Variants in MAML3 observed in about 807,000 individuals in gnomAD.
The protein encoded by MAML3 is mastermind like transcriptional coactivator 3.
Under a neutral mutation model 101.9 loss-of-function variants are expected in MAML3, and 27 were observed. The ratio of observed to expected loss-of-function variants is 0.27; its 90% confidence interval spans 0.20 to 0.37. The LOEUF (loss-of-function observed/expected upper bound fraction) is 0.37, where lower values mean the gene tolerates loss of function less well. Ranked by LOEUF, MAML3 falls within the 10% of genes least tolerant of loss-of-function variation. The probability of loss-of-function intolerance (pLI) is 1.00; values close to 1 mark genes in which losing one functional copy is unlikely to be tolerated. For missense variants in MAML3, 1,316 were observed against 1,444.9 expected, an observed-to-expected ratio of 0.91 and a Z score of 1.45; for synonymous variants, 501 against 555.9, an observed-to-expected ratio of 0.90 and a Z score of 1.39.
Position 139,719,491 on chromosome 4 carries a change from G to C in MAML3, c.3249C>G (p.Ala1083=). The C allele has an allele frequency of 6.2e-7, 1 of 1,614,038 alleles. No homozygotes were observed. Among genetic ancestry groups the C allele is most frequent in the Non-Finnish European group, 8.5e-7 (1 of 1,179,890 alleles). ...GSFAPSSQSQ[A]YERNAPQDVS... The stretch of plus-strand genomic sequence containing the variant: ...CGTCCTGAGGGGCATTCCGCTCATA[G>C]GCTTGGCTCTGGCTGCTTGGAGCAA... The change falls in exon 5 of 5, where the codon GCC becomes GCG. Residue 1083 remains alanine, a synonymous_variant. Coordinates refer to ENST00000509479, the MANE Select transcript of MAML3 (RefSeq NM_018717.5).
intron 1 of MAML3, among the ~76,000 whole-genome samples, chr4:140,038,433 T>C (rs1459004475): frequency 6.6e-6 from 1 of 152,202 alleles, no homozygotes; most frequent in Non-Finnish European, 1.5e-5. Context: ...GCTTCTGATA[T>C]TTTTATGGGT....
At chr4:139,895,926 A>G (rs916584363) in intron 1 of MAML3, among the ~76,000 whole-genome samples, 9 of 152,214 alleles carry the variant, frequency 5.9e-5, no homozygotes, top group Admixed American at 3.3e-4. Flanking sequence ...CTTGATTTAT[A>G]TATTTCATGT....
intron 1 of MAML3, among the ~76,000 whole-genome samples, chr4:140,024,377 A>G (rs1726786553): frequency 1.3e-5 from 2 of 152,098 alleles, no homozygotes; most frequent in Non-Finnish European, 2.9e-5. Context: ...ATAGGTGCAC[A>G]TCACTGTGCC....
rs147699561 is a variant in MAML3, at chr4:140,086,102, C to T, written c.468+66758G>A. On this transcript the variant is annotated intron_variant, in intron 1 of 4. Coordinates refer to ENST00000509479, the MANE Select transcript of MAML3 (RefSeq NM_018717.5). Reference sequence around the variant, plus strand: ...TAATCTAAGAAATGGCTCTTACAGGCCCTCCTCAAATGTTTGTTTTCCAAT... The same window carrying T: ...TAATCTAAGAAATGGCTCTTACAGGTCCTCCTCAAATGTTTGTTTTCCAAT... Among the ~76,000 whole-genome samples the T allele has an allele frequency of 3.9e-5, 6 of 152,296 alleles. No individual in the cohort carries two copies. In the East Asian group the frequency reaches 9.6e-4, roughly 24 times the overall value.
chr4:139,802,161 G>A (rs1045863550), intron 2 of MAML3, among the ~76,000 whole-genome samples: 1 of 152,174 alleles, frequency 6.6e-6, no homozygotes, highest in African/African-American at 2.4e-5. Context: ...GTTTCTTACA[G>A]AATGGGGTAG....
Position 139,730,456 on chromosome 4 carries a change from T to C in MAML3, c.2291A>G (p.Gln764Arg), listed in dbSNP as rs979952473. 2 of 1,533,960 alleles carry C rather than the reference T, an allele frequency of 1.3e-6. No homozygotes were observed. ...QKQQFLREQR[Q>R]QQQQQQQQIL... ...CTGCTGCTGCTGCTGCTGCTGCTGC[T>C]GCCTTTGCTCCCGCAGGAACTGTTG... The change falls in exon 3 of 5, where the codon CAG (glutamine) becomes CGG (arginine). Residue 764 changes from glutamine (Q) to arginine (R), a missense_variant. Gln to Arg is a conservative substitution (Grantham distance 43). Coordinates refer to ENST00000509479, the MANE Select transcript of MAML3 (RefSeq NM_018717.5).
At chr4:139,844,978 T>TTC (rs897242162) in intron 2 of MAML3, among the ~76,000 whole-genome samples, 1 of 151,866 alleles carries the variant, frequency 6.6e-6, no homozygotes, top group Non-Finnish European at 1.5e-5. Context: ...CTATTTCTCT[T>TTC]TCTCTCTCTC....
rs762612810 is a variant in MAML3 at position 139,730,512 on chromosome 4, A to G, written c.2235T>C (p.Asp745=). Residue 745 remains aspartate, a synonymous_variant, in exon 3 of 5, where the codon GAT becomes GAC. Coordinates refer to ENST00000509479, the MANE Select transcript of MAML3 (RefSeq NM_018717.5). ...QAAIMKQMLI[D]QRAQLIEQQK... ...GCTGCTCTATCAACTGGGCCCGCTG[A>G]TCAATGAGCATCTGCTTCATGATGG... 2 of 1,559,128 alleles carry G rather than the reference A, an allele frequency of 1.3e-6. No homozygotes were observed. The highest frequency in any genetic ancestry group is 2.4e-5 in the East Asian group (1 of 41,478).
Position 140,019,467 on chromosome 4 carries a change from C to G in MAML3, c.469-128500G>C, listed in dbSNP as rs139269192. Among the ~76,000 whole-genome samples the G allele has an allele frequency of 7.5e-4, 114 of 152,318 alleles. No homozygotes were observed. In the Middle Eastern group the frequency reaches 0.017, roughly 23 times the overall value. On this transcript the variant is annotated intron_variant, in intron 1 of 4. Coordinates refer to ENST00000509479, the MANE Select transcript of MAML3 (RefSeq NM_018717.5). ...ATAGCAGATGCTACTCTATAAATAC[C>G]TAATGAGTGAGGAATGAATGCATGA...
chr4:139,784,246 C>T (rs1730267186), intron 2 of MAML3, among the ~76,000 whole-genome samples: 1 of 152,226 alleles, frequency 6.6e-6, no homozygotes, highest in African/African-American at 2.4e-5. Flanking sequence ...TCCACACAAG[C>T]ACTCCTCTTA....
chr4:139,730,073 T>C (rs1195555434), intron 3 of MAML3, among the ~76,000 whole-genome samples: 1 of 152,230 alleles, frequency 6.6e-6, no homozygotes, highest in Non-Finnish European at 1.5e-5. Flanking sequence ...TTACGGCTTA[T>C]GGAGCATGTG....
At chr4:140,106,867 G>A (rs1728361079) in intron 1 of MAML3, among the ~76,000 whole-genome samples, 1 of 152,128 alleles carries the variant, frequency 6.6e-6, no homozygotes, top group African/African-American at 2.4e-5. Context: ...AAGAAGAGTG[G>A]TGGTGTTTGT....
Position 139,804,695 on chromosome 4 carries a change from A to G in MAML3, c.2080-74028T>C, listed in dbSNP as rs951216782. Among the ~76,000 whole-genome samples the G allele has an allele frequency of 3.3e-5, 5 of 152,322 alleles. No homozygotes were observed. The South Asian group carries it at 6.2e-4, about 19-fold the overall frequency. ...TCTTTCTGCAAGCATATTAATTTAT[A>G]TCTGCTTATAGTCTCATATGTATGT... is the stretch of plus-strand genomic sequence containing the variant. On this transcript the variant is annotated intron_variant, in intron 2 of 4. Coordinates refer to ENST00000509479, the MANE Select transcript of MAML3 (RefSeq NM_018717.5).
intron 1 of MAML3, among the ~76,000 whole-genome samples, chr4:140,015,075 A>G (rs1470836997): frequency 6.6e-6 from 1 of 152,252 alleles, no homozygotes; most frequent in Non-Finnish European, 1.5e-5. Context: ...AATAAAGATT[A>G]GTTTGAATTC....
At chr4:139,938,986 T>C (rs1207344844) in intron 1 of MAML3, among the ~76,000 whole-genome samples, 2 of 152,240 alleles carry the variant, frequency 1.3e-5, no homozygotes, top group Non-Finnish European at 2.9e-5. Context: ...TGACCAGTCA[T>C]CCTTCCCCGC....
At chr4:139,938,952 C>T (rs993370534) in intron 1 of MAML3, among the ~76,000 whole-genome samples, 5 of 152,228 alleles carry the variant, frequency 3.3e-5, no homozygotes, top group Admixed American at 3.3e-4. Flanking sequence ...ACTCTTAATG[C>T]ATATATGTCT....
chr4:139,990,316 T>C (rs1032872417), intron 1 of MAML3, among the ~76,000 whole-genome samples: 121 of 152,296 alleles, frequency 7.9e-4, no homozygotes, highest in Non-Finnish European at 1.5e-3. Context: ...ATTATCTCAA[T>C]AGATGCAGAA....
At position 139,890,135 on chromosome 4, in the gene MAML3, G is replaced by A. The variant is rs761860872; in HGVS notation, c.1301C>T (p.Pro434Leu). 1 of 1,613,808 alleles carries A rather than the reference G, an allele frequency of 6.2e-7. No homozygotes were observed. Among genetic ancestry groups the A allele is most frequent in the Non-Finnish European group, 8.5e-7 (1 of 1,179,898 alleles). The change falls in exon 2 of 5, where the codon CCT (proline) becomes CTT (leucine). Residue 434 changes from proline (P) to leucine (L), a missense_variant. Pro to Leu is a moderately conservative substitution (Grantham distance 98). Coordinates refer to ENST00000509479, the MANE Select transcript of MAML3 (RefSeq NM_018717.5). The surrounding 1 kb of genome is among the most constrained non-coding windows in gnomAD (Gnocchi z 4.1). ...AHTPGQAPPR[P>L]GNGYLLNPAA... ...CGGATTCAGGAGATAACCATTTCCA[G>A]GCCGAGGTGGAGCTTGGCCTGGAGT...
intron 1 of MAML3, among the ~76,000 whole-genome samples, chr4:139,919,693 C>A (rs1733088859): frequency 6.6e-6 from 1 of 152,186 alleles, no homozygotes; most frequent in Non-Finnish European, 1.5e-5. Flanking sequence ...GGACCTGGTG[C>A]AGCTGAACAC....
Sources: gnomAD v4.1 joint callset for allele counts (sites outside exome capture counted in the v4.1 genomes callset) on GRCh38, gnomAD v4.1.1 for gene constraint, Gnocchi (gnomAD v3.1) non-coding constraint, MANE v1.5 for transcripts, NCBI Gene and HGNC (gene_info 2026-07-23, HGNC 2026-07-21) for gene names.